TRIM69: variants seen among roughly 807,000 people sequenced by gnomAD.
The protein encoded by TRIM69 is tripartite motif containing 69, also known as E3 ubiquitin-protein ligase TRIM69.
TRIM69 carries 29 observed loss-of-function variants against 37.7 expected under a neutral mutation model. That is an observed-to-expected ratio of 0.77 (90% confidence interval 0.57 to 1.05). The LOEUF (loss-of-function observed/expected upper bound fraction) is 1.05, where lower values mean the gene tolerates loss of function less well. TRIM69 is among the 50% of genes least tolerant of loss of function. TRIM69 has a pLI of 0.00. For synonymous variants in TRIM69, 209 were observed against 212.4 expected (o/e 0.98, Z 0.14); for missense variants, 596 against 579.9 (o/e 1.03, Z -0.28).
At chr15:44,767,206 C>T (rs776151894) in intron 6 of TRIM69, 25 bp from the exon 7 acceptor site, 20 of 1,592,690 alleles carry the variant, frequency 1.3e-5, no homozygotes, top group Non-Finnish European at 1.7e-5. Context: ...CTCCCATGCT[C>T]TGCTTTCTTT....
At chr15:44,748,131 A>G (rs1430067064) in intron 1 of TRIM69, among the ~76,000 whole-genome samples, 1 of 152,234 alleles carries the variant, frequency 6.6e-6, no homozygotes, top group Non-Finnish European at 1.5e-5. Context: ...CAAGAACAGA[A>G]GAGTAACCTC....
intron 6 of TRIM69, among the ~76,000 whole-genome samples, chr15:44,763,818 G>C (rs1020751012): frequency 3.9e-5 from 6 of 152,186 alleles, no homozygotes; most frequent in African/African-American, 1.4e-4. Flanking sequence ...AGCCTAGTTA[G>C]AGTGGCTCAA....
rs185568573 is a variant in TRIM69, at chr15:44,746,520, A to G, written c.7-8380A>G. Among the ~76,000 whole-genome samples the G allele has an allele frequency of 3.0e-3, 451 of 152,350 alleles. 4 individuals carry two copies. Among genetic ancestry groups the G allele is most frequent in the African/African-American group, 0.01 (433 of 41,572 alleles). Reference sequence around the variant, plus strand: ...ATAAACCAATAATTGTATATAAAAAAAGAAATCAATCTTAGTTTAAAACTC... The same window carrying G: ...ATAAACCAATAATTGTATATAAAAAGAGAAATCAATCTTAGTTTAAAACTC... On this transcript the variant is annotated intron_variant, in intron 1 of 6. Transcript: ENST00000329464.
chr15:44,764,990 T>C (rs11639157), intron 6 of TRIM69, among the ~76,000 whole-genome samples: 140,629 of 152,252 alleles, frequency 0.92, 65,125 homozygotes, highest in Non-Finnish European at 0.96. Context: ...TCAGATGTGA[T>C]GGTAAACATA....
chr15:44,757,772 C>T (rs1199705099), intron 3 of TRIM69: 1 of 152,104 alleles, frequency 6.6e-6, no homozygotes, highest in Non-Finnish European at 1.5e-5. Context: ...AACTCCTGTT[C>T]CAAGCAATCC....
intron 1 of TRIM69, among the ~76,000 whole-genome samples, chr15:44,749,312 C>T (rs1304871077): frequency 6.6e-6 from 1 of 152,170 alleles, no homozygotes; most frequent in Non-Finnish European, 1.5e-5. Flanking sequence ...TCACCTCTAT[C>T]TAGTTTCAAA....
intron 1 of TRIM69, among the ~76,000 whole-genome samples, chr15:44,739,976 A>G (rs1482919603): frequency 6.6e-6 from 1 of 151,540 alleles, no homozygotes; most frequent in Non-Finnish European, 1.5e-5. Flanking sequence ...ACTGGGAGGC[A>G]CCCCCAAGTA....
intron 1 of TRIM69, among the ~76,000 whole-genome samples, chr15:44,746,820 A>G (rs2087419458): frequency 6.6e-6 from 1 of 152,132 alleles, no homozygotes; most frequent in Non-Finnish European, 1.5e-5. Flanking sequence ...GTCAATAACA[A>G]TTTAAGTGTT....
At chr15:44,743,408 G>C (rs915297972) in intron 1 of TRIM69, among the ~76,000 whole-genome samples, 2 of 152,148 alleles carry the variant, frequency 1.3e-5, no homozygotes, top group African/African-American at 4.8e-5. Flanking sequence ...GCATGGGCAA[G>C]GACTTCATGT....
intron 1 of TRIM69, among the ~76,000 whole-genome samples, chr15:44,741,025 A>T (rs1303050930): frequency 5.3e-4 from 77 of 145,914 alleles, no homozygotes; most frequent in South Asian, 1.5e-3. Context: ...TTTTTTCAGC[A>T]CCACACCACA....
intron 1 of TRIM69, among the ~76,000 whole-genome samples, chr15:44,752,124 G>A (rs1419248001): frequency 6.6e-6 from 1 of 152,010 alleles, no homozygotes; most frequent in Non-Finnish European, 1.5e-5. Flanking sequence ...TGACCAATTA[G>A]TTAAGAGTGT....
chr15:44,756,326 T>G (rs2087645371), intron 2 of TRIM69, 42 bp from the exon 3 acceptor site: 1 of 1,388,612 alleles, frequency 7.2e-7, no homozygotes, highest in Non-Finnish European at 1.0e-6. Flanking sequence ...TGGTCCTTCA[T>G]CTCCCGAGTT....
intron 4 of TRIM69, among the ~76,000 whole-genome samples, chr15:44,759,420 T>C (rs1451014799): frequency 1.3e-5 from 2 of 152,224 alleles, no homozygotes; most frequent in Non-Finnish European, 2.9e-5. Context: ...GGCTTCTGTC[T>C]TGCTCCCTGT....
chr15:44,759,812 C>T lies in TRIM69; in HGVS notation c.901C>T (p.Gln301Ter), dbSNP rs753089666. 1 of 1,614,084 alleles carries T rather than the reference C, an allele frequency of 6.2e-7. No homozygotes were observed. Among genetic ancestry groups the T allele is most frequent in the South Asian group, 1.1e-5 (1 of 91,070 alleles). The change falls in exon 6 of 7, where the codon CAG (glutamine) becomes TAG (stop). Residue 301 changes from glutamine (Q) to a stop codon, truncating the protein, a stop_gained. Coordinates refer to ENST00000329464, the MANE Select transcript of TRIM69 (RefSeq NM_182985.5). LOFTEE classifies it high-confidence loss of function. ...ELISRKLNLG[Q>*]YKGPIQYMVW... ...TATTTCCAGAAAGCTGAACCTGGGC[C>T]AGTACAAAGGTCCTATCCAGTACAT...
intron 6 of TRIM69, among the ~76,000 whole-genome samples, chr15:44,765,615 G>T (rs558339002): frequency 6.8e-6 from 1 of 147,106 alleles, no homozygotes. Flanking sequence ...TCAGCTGAGC[G>T]TGGTGGTGCA....
chr15:44,752,616 G>A (rs562887640), intron 1 of TRIM69, among the ~76,000 whole-genome samples: 24 of 152,082 alleles, frequency 1.6e-4, no homozygotes, highest in Middle Eastern at 3.4e-3. Context: ...AATCTATTTC[G>A]TCTAAAGTAA....
intron 1 of TRIM69, chr15:44,754,124 C>CTTTTTTTTTTTTTTT (rs66486757): frequency 8.1e-6 from 1 of 122,906 alleles, no homozygotes; most frequent in African/African-American, 2.9e-5. Context: ...TTGGTCATTC[C>CTTTTTTTTTTTTTTT]TTTTTTTTTT....
intron 1 of TRIM69, among the ~76,000 whole-genome samples, chr15:44,738,269 C>T (rs1452365175): frequency 6.7e-6 from 1 of 149,386 alleles, no homozygotes. Context: ...TGAGGTCTCA[C>T]CATGTTACCC....
chr15:44,744,249 T>C (rs1167557854), intron 1 of TRIM69, among the ~76,000 whole-genome samples: 2 of 132,796 alleles, frequency 1.5e-5, no homozygotes, highest in African/African-American at 5.8e-5. Context: ...AGGTGGGAAT[T>C]GAACACTGAG....
Sources: gnomAD v4.1 joint callset for allele counts (sites outside exome capture counted in the v4.1 genomes callset) on GRCh38, gnomAD v4.1.1 for gene constraint, MANE v1.5 for transcripts, NCBI Gene and HGNC (gene_info 2026-07-23, HGNC 2026-07-21) for gene names.